Variants in GRAMD1A observed in about 807,000 individuals in gnomAD.
GRAMD1A encodes GRAM domain containing 1A, also known as protein Aster-A.
Under a neutral mutation model 92.0 loss-of-function variants are expected in GRAMD1A, and 50 were observed. That is an observed-to-expected ratio of 0.54 (90% CI 0.43 to 0.69). The LOEUF (loss-of-function observed/expected upper bound fraction) is 0.69, where lower values mean the gene tolerates loss of function less well. Among genes scored for constraint, GRAMD1A ranks in the 30% least tolerant of loss-of-function variants. The pLI is 0.00. For synonymous variants in GRAMD1A, 405 were observed against 403.6 expected, an observed-to-expected ratio of 1.00 and a Z score of -0.04; for missense variants, 819 against 978.9, an observed-to-expected ratio of 0.84 and a Z score of 2.18.
Position 35,021,986 on chromosome 19 carries a change from G to T in GRAMD1A, c.1789G>T (p.Asp597Tyr), listed in dbSNP as rs1170631492. 6.2e-7 allele frequency: 1 copy of T among 1,614,112 alleles called. No homozygotes were observed. The highest frequency in any genetic ancestry group is 1.3e-5 in the African/African-American group (1 of 75,064). The change falls in exon 16 of 20, where the codon GAC (aspartate) becomes TAC (tyrosine). Residue 597 changes from aspartate (D) to tyrosine (Y), a missense_variant. By Grantham distance (160) the Asp-to-Tyr change is radical. Around this residue, in one of 3 missense-constraint regions of GRAMD1A, gnomAD observed 577 missense variants for 674.6 expected, o/e 0.86. Transcript: ENST00000317991. The surrounding 1 kb of genome is among the most constrained non-coding windows in gnomAD (Gnocchi z 5.3). ...CTCCCGCTTCTCCGAACCATCTGTG[G>T]ACCAGGGCCCCGGGGCAGGCATCCC... ...LSSRFSEPSV[D>Y]QGPGAGIPSA...
intron 9 of GRAMD1A, 98 bp from the exon 10 acceptor site, chr19:35,014,091 G>A: frequency 8.6e-7 from 1 of 1,159,294 alleles, no homozygotes. Flanking sequence ...ACCACCCCGG[G>A]TCTGCACAGG....
chr19:35,004,759 C>G (rs921668539), intron 1 of GRAMD1A, among the ~76,000 whole-genome samples: 1 of 152,116 alleles, frequency 6.6e-6, no homozygotes, highest in Non-Finnish European at 1.5e-5. Context: ...GGCTGGCAGC[C>G]GCGCTGTACA....
In GRAMD1A at chr19:35,013,384, A is replaced by G. The variant is rs1402491816; in HGVS notation, c.719+16A>G. Reference sequence around the variant, plus strand: ...ACGGTCTGGGGTGAGTTGGAGGTCAAAGGAGGTTGAAGGGTTCGGGGGAGA... The same window carrying G: ...ACGGTCTGGGGTGAGTTGGAGGTCAGAGGAGGTTGAAGGGTTCGGGGGAGA... On this transcript the variant is annotated intron_variant, in intron 8 of 19. Coordinates refer to ENST00000317991, the MANE Select transcript of GRAMD1A (RefSeq NM_020895.5). This position sits in a 1 kb window ranked among gnomAD's most constrained non-coding sequence, Gnocchi z 4.9. 6.6e-7 allele frequency: 1 copy of G among 1,519,028 alleles called. No homozygotes were observed. Among genetic ancestry groups the G allele is most frequent in the Admixed American group, 1.9e-5 (1 of 52,374 alleles). 94.1% of individuals were successfully genotyped at this position (1,519,028 alleles called of 1,614,324 possible).
chr19:35,022,217 C>T (rs1227867278), intron 16 of GRAMD1A, among the ~76,000 whole-genome samples, 179 bp downstream of exon 16: 1 of 152,120 alleles, frequency 6.6e-6, no homozygotes, highest in African/African-American at 2.4e-5. Context: ...GAGAAGCCTT[C>T]CCTGCTAGAA....
rs760286823 is a variant in GRAMD1A at position 35,014,214 on chromosome 19, T to C, written c.896T>C (p.Val299Ala). The change falls in exon 10 of 20, where the codon GTA becomes GCA. Residue 299 changes from valine to alanine, a missense_variant. Val to Ala is a moderately conservative substitution (Grantham distance 64). Transcript: ENST00000317991. ...GCAGAGGAGGACAAGGAGGAGCAGG[T>C]AGACAGCCAGCCAGACGCCTCCTCC... ...HGAEEDKEEQ[V>A]DSQPDASSSQ... 6.2e-6 allele frequency: 10 copies of C among 1,613,484 alleles called. No homozygotes were observed. The highest frequency in any genetic ancestry group is 2.2e-5 in the East Asian group (1 of 44,894).
chr19:34,999,119 G>A (rs2014172195), upstream of GRAMD1A, among the ~76,000 whole-genome samples: 2 of 152,162 alleles, frequency 1.3e-5, no homozygotes, highest in Admixed American at 6.5e-5. Context: ...TGGGAGCAGG[G>A]AGATCAGGCA....
intron 1 of GRAMD1A, among the ~76,000 whole-genome samples, chr19:34,995,174 G>A (rs947679782): frequency 9.8e-5 from 15 of 152,302 alleles, no homozygotes; most frequent in Admixed American, 2.6e-4. Context: ...CTGTCTGTCC[G>A]GCTAGCCGTT....
At chr19:35,020,642 G>C (rs1230077864) in intron 13 of GRAMD1A, among the ~76,000 whole-genome samples, 4 of 142,264 alleles carry the variant, frequency 2.8e-5, no homozygotes, top group East Asian at 2.1e-4. Context: ...CTGGGCGACA[G>C]AGCAAGACCC....
Position 35,000,451 on chromosome 19 carries a change from C to CGA in GRAMD1A, c.-28_-27insGA. On this transcript the variant is annotated 5_prime_UTR_variant, in exon 1 of 20. Transcript: ENST00000317991. The surrounding 1 kb of genome is among the most constrained non-coding windows in gnomAD (Gnocchi z 4.9). ...CTGCCCTGCCCTGCCCTGCCCTGCG[C>CGA]CCGGGGCGCGCCCACCGCGCCGCAT... 1 of 1,252,410 alleles carries CGA rather than the reference C, an allele frequency of 8.0e-7. No homozygotes were observed. Among genetic ancestry groups the CGA allele is most frequent in the Non-Finnish European group, 1.0e-6 (1 of 994,220 alleles). 77.6% of individuals were successfully genotyped at this position (1,252,410 alleles called of 1,614,324 possible).
intron 1 of GRAMD1A, among the ~76,000 whole-genome samples, chr19:35,003,143 C>CGTGTGTGTGT (rs60437273): frequency 1.6e-4 from 22 of 141,174 alleles, no homozygotes; most frequent in East Asian, 6.1e-4. Context: ...TTGCTCTGTG[C>CGTGTGTGTGT]GTGTGTGTGT....
chr19:35,009,592 G>T, intron 3 of GRAMD1A, 149 bp downstream of exon 3: 1 of 813,524 alleles, frequency 1.2e-6, no homozygotes. Context: ...TATGTGCTGT[G>T]TGACCTTGGG....
Position 35,000,473 on chromosome 19 carries a change from G to C in GRAMD1A, c.-6G>C. The C allele has an allele frequency of 7.9e-7, 1 of 1,267,594 alleles. No homozygotes were observed. The highest frequency in any genetic ancestry group is 1.0e-6 in the Non-Finnish European group (1 of 999,964). The allele number at this position is 1,267,594 out of a possible 1,614,324, so 78.5% of individuals were successfully genotyped here. A position where few individuals can be genotyped will look rare whatever the true frequency, so the allele number is the denominator to read the frequency against. ...GCGCCCGGGGCGCGCCCACCGCGCC[G>C]CATCCATGTTCGAGTAAGGACCGGG... On this transcript the variant is annotated 5_prime_UTR_variant, in exon 1 of 20. Coordinates refer to ENST00000317991, the MANE Select transcript of GRAMD1A (RefSeq NM_020895.5). The surrounding 1 kb of genome is among the most constrained non-coding windows in gnomAD (Gnocchi z 4.9).
intron 10 of GRAMD1A, 37 bp downstream of exon 10, chr19:35,014,424 C>T (rs2015478772): frequency 6.4e-7 from 1 of 1,558,906 alleles, no homozygotes; most frequent in Middle Eastern, 1.7e-4. Flanking sequence ...GCCTCCGGTA[C>T]TTGCAAGCCT....
Position 35,021,415 on chromosome 19 carries a change from G to A in GRAMD1A, c.1476-87G>A, listed in dbSNP as rs772560767. On this transcript the variant is annotated intron_variant, in intron 13 of 19. Transcript: ENST00000317991. The surrounding 1 kb of genome is among the most constrained non-coding windows in gnomAD (Gnocchi z 5.3). Reference sequence around the variant, plus strand: ...GTGACAAGGGGCCCTCTCTGAATTAGGGGAAGGAAAAAACTCAGCTTGTGG... The same window carrying A: ...GTGACAAGGGGCCCTCTCTGAATTAAGGGAAGGAAAAAACTCAGCTTGTGG... 1.8e-5 allele frequency: 17 copies of A among 964,322 alleles called. No homozygotes were observed. The highest frequency in any genetic ancestry group is 2.7e-5 in the Non-Finnish European group (16 of 595,438). 59.7% of individuals were successfully genotyped at this position (964,322 alleles called of 1,614,324 possible). A position where few individuals can be genotyped will look rare whatever the true frequency, so the allele number is the denominator to read the frequency against.
upstream of GRAMD1A, chr19:35,000,072 C>T: frequency 2.0e-6 from 2 of 987,526 alleles, no homozygotes; most frequent in Middle Eastern, 5.2e-4. This position sits in a 1 kb window ranked among gnomAD's most constrained non-coding sequence, Gnocchi z 4.9. Flanking sequence ...GGGGGCTCCC[C>T]AACCTGCGGG....
intron 1 of GRAMD1A, among the ~76,000 whole-genome samples, chr19:35,006,454 C>T (rs946575826): frequency 2.0e-5 from 3 of 152,166 alleles, no homozygotes; most frequent in African/African-American, 4.8e-5. Context: ...AGAAATAATA[C>T]GGTTAATCAT....
chr19:35,012,868 G>A (rs1265381435), intron 7 of GRAMD1A: 1 of 165,828 alleles, frequency 6.0e-6, no homozygotes, highest in African/African-American at 2.4e-5. Context: ...CCAGCTCCTT[G>A]GGAAGCTGAG....
chr19:35,009,487 G>A (rs767490115), intron 3 of GRAMD1A, 44 bp downstream of exon 3: 59 of 1,607,142 alleles, frequency 3.7e-5, no homozygotes, highest in South Asian at 2.8e-4. Flanking sequence ...TGGGAGGACC[G>A]GGTGCTGGGC....
intron 11 of GRAMD1A, 84 bp from the exon 12 acceptor site, chr19:35,019,107 G>C: frequency 1.2e-6 from 1 of 867,548 alleles, no homozygotes; most frequent in Non-Finnish European, 1.9e-6. Context: ...TCCCCAGAGA[G>C]ACCTCCCAGA....
Sources: allele counts gnomAD v4.1 joint callset (sites outside exome capture counted in the v4.1 genomes callset), GRCh38; gene constraint gnomAD v4.1.1; regional missense constraint gnomAD v4.1.1; non-coding constraint Gnocchi (gnomAD v3.1); transcripts MANE v1.5; gene names NCBI Gene and HGNC (gene_info 2026-07-23, HGNC 2026-07-21).